Variants in ATP2A3 observed in about 807,000 individuals in gnomAD.
ATP2A3 encodes the protein sarcoplasmic/endoplasmic reticulum calcium ATPase 3.
In ATP2A3, 61 loss-of-function variants were observed where a neutral mutation model predicts 106.8. The observed-to-expected ratio is 0.57, with a 90% CI of 0.46 to 0.71. The LOEUF (loss-of-function observed/expected upper bound fraction) is 0.71, where lower values mean the gene tolerates loss of function less well. Among genes scored for constraint, ATP2A3 ranks in the 30% least tolerant of loss-of-function variants. The probability of loss-of-function intolerance (pLI) is 0.00; values close to 1 mark genes in which losing one functional copy is unlikely to be tolerated. For synonymous variants in ATP2A3, 611 were observed against 609.3 expected, an observed-to-expected ratio of 1.00 and a Z score of -0.04; for missense variants, 1,201 against 1,423.5, an observed-to-expected ratio of 0.84 and a Z score of 2.52.
intron 17 of ATP2A3, among the ~76,000 whole-genome samples, chr17:3,932,193 G>C (rs1171032394): frequency 6.6e-6 from 1 of 152,132 alleles, no homozygotes; most frequent in Non-Finnish European, 1.5e-5. Context: ...ACCGAGGCTG[G>C]AGTGCAGTGG....
chr17:3,947,797 G>A lies in ATP2A3; in HGVS notation c.689C>T (p.Thr230Met), dbSNP rs756084939. ...VGVAVATGLH[T>M]ELGKIRSQMA... ...CTGGCTCCGGATCTTGCCCAGCTCCGTGTGCAGGCCGGTGGCCACGGCCAC... is the reference window on the plus strand; with the variant it reads ...CTGGCTCCGGATCTTGCCCAGCTCCATGTGCAGGCCGGTGGCCACGGCCAC... The change falls in exon 8 of 21, where the codon ACG (threonine) becomes ATG (methionine). Residue 230 changes from threonine (T) to methionine (M), a missense_variant. Around this residue, in one of 2 missense-constraint regions of ATP2A3, gnomAD observed 935 missense variants for 1,176.7 expected, o/e 0.79. Transcript: ENST00000397041. This position sits in a 1 kb window ranked among gnomAD's most constrained non-coding sequence, Gnocchi z 7.7. 17 of 1,601,130 alleles carry A rather than the reference G, an allele frequency of 1.1e-5. No homozygotes were observed. The East Asian group carries it at 1.1e-4, about 10-fold the overall frequency.
chr17:3,935,569 A>C (rs1597591019), intron 16 of ATP2A3, among the ~76,000 whole-genome samples: 1 of 125,302 alleles, frequency 8.0e-6, no homozygotes, highest in East Asian at 2.3e-4. Context: ...ACGGAGTCTC[A>C]CTCTGTCGCC....
rs866492175 is a variant in ATP2A3, at chr17:3,924,623, G to A, written c.*799C>T. ...GGACCTCTGCGTGGCAGACCGGGCGGCAGTGTGACTCTGAACATCTCCCGA... is the reference window on the plus strand; with the variant it reads ...GGACCTCTGCGTGGCAGACCGGGCGACAGTGTGACTCTGAACATCTCCCGA... On this transcript the variant is annotated 3_prime_UTR_variant, in exon 21 of 21. Coordinates refer to ENST00000397041, the MANE Select transcript of ATP2A3 (RefSeq NM_005173.4). The surrounding 1 kb of genome is among the most constrained non-coding windows in gnomAD (Gnocchi z 6.4). 26 of 368,268 alleles carry A rather than the reference G, an allele frequency of 7.1e-5. No homozygotes were observed. The Middle Eastern group carries it at 2.8e-3, about 40-fold the overall frequency. 22.8% of individuals were successfully genotyped at this position (368,268 alleles called of 1,614,324 possible).
Position 3,945,065 on chromosome 17 carries a change from G to A in ATP2A3, c.1179C>T (p.Gly393=). 6.5e-7 allele frequency: 1 copy of A among 1,543,274 alleles called. No homozygotes were observed. Among genetic ancestry groups the A allele is most frequent in the Non-Finnish European group, 8.7e-7 (1 of 1,143,478 alleles). ...TISGTTYTPE[G]EVRQGDQPVR... is the part of the protein sequence containing the mutation. ...TCCCCTGGCCCCGCACTCACACTTC[G>A]CCCTCGGGGGTATACGTGGTACCCG... The change falls in exon 9 of 21, where the codon GGC becomes GGT. Residue 393 remains glycine, a synonymous_variant. Coordinates refer to ENST00000397041, the MANE Select transcript of ATP2A3 (RefSeq NM_005173.4).
Position 3,945,104 on chromosome 17 carries a change from G to C in ATP2A3, c.1140C>G (p.His380Gln). 6.5e-7 allele frequency: 1 copy of C among 1,548,142 alleles called. No individual in the cohort carries two copies. Among genetic ancestry groups the C allele is most frequent in the Non-Finnish European group, 8.7e-7 (1 of 1,145,734 alleles). ...AEADAGSCLL[H>Q]EFTISGTTYT... ...ACGTGGTACCCGAGATGGTGAACTC[G>C]TGCAAAAGGCAGGAGCCCGCATCGG... Residue 380 changes from histidine to glutamine, a missense_variant, in exon 9 of 21, where the codon CAC (histidine) becomes CAG (glutamine). By Grantham distance (24) the His-to-Gln change is conservative. This residue lies in a region of ATP2A3 where 935 missense variants were observed against 1,176.7 expected (regional missense o/e 0.79). Transcript: ENST00000397041.
chr17:3,950,111 G>A (rs1224718450), intron 7 of ATP2A3, among the ~76,000 whole-genome samples: 4 of 150,438 alleles, frequency 2.7e-5, no homozygotes, highest in Non-Finnish European at 4.4e-5. Flanking sequence ...GCAGTGACCC[G>A]AGATCGTACC....
rs1056504829 is a variant in ATP2A3, at chr17:3,930,192, C to T, written c.2744+109G>A. Reference sequence around the variant, plus strand: ...CCCACTCCTCGGCCCCAGCTCCAGGCCCTGCGCCCAGCCCACCTGGACCCC... The same window carrying T: ...CCCACTCCTCGGCCCCAGCTCCAGGTCCTGCGCCCAGCCCACCTGGACCCC... On this transcript the variant is annotated intron_variant, in intron 18 of 20. Transcript: ENST00000397041. The surrounding 1 kb of genome is among the most constrained non-coding windows in gnomAD (Gnocchi z 5.4). 8.9e-7 allele frequency: 1 copy of T among 1,124,984 alleles called. No individual in the cohort carries two copies. Among genetic ancestry groups the T allele is most frequent in the Non-Finnish European group, 1.2e-6 (1 of 863,874 alleles). The allele number at this position is 1,124,984 out of a possible 1,614,324, so 69.7% of individuals were successfully genotyped here.
intron 1 of ATP2A3, among the ~76,000 whole-genome samples, chr17:3,963,237 G>A: frequency 6.6e-6 from 1 of 152,232 alleles, no homozygotes; most frequent in Admixed American, 6.5e-5. Flanking sequence ...AGTCCCCAAA[G>A]GATGCAGACC....
At chr17:3,948,426 GC>G (rs1249062012) in intron 7 of ATP2A3, among the ~76,000 whole-genome samples, 1 of 152,096 alleles carries the variant, frequency 6.6e-6, no homozygotes, top group East Asian at 1.9e-4. Flanking sequence ...AGAACCTGGT[GC>G]CCCTTCAAAT....
chr17:3,944,871 GCCCCGCC>G, intron 9 of ATP2A3, 65 bp from the exon 10 acceptor site: 10 of 911,560 alleles, frequency 1.1e-5, no homozygotes, highest in Non-Finnish European at 1.6e-6. Context: ...CCGCCTCTTG[GCCCCGCC>G]CCTAGGAGGG....
At chr17:3,954,542 G>C (rs1457460499) in intron 1 of ATP2A3, among the ~76,000 whole-genome samples, 1 of 148,620 alleles carries the variant, frequency 6.7e-6, no homozygotes, top group Non-Finnish European at 1.5e-5. Flanking sequence ...TGTCGCCCAG[G>C]CCAGAGTGCA....
rs748842942 is a variant in ATP2A3, at chr17:3,964,313, G to GCCGTCCGCA, written c.-31_-23dup. ...CCATGCCGCCCGCCCGGCCGTCTGC[G>GCCGTCCGCA]CCGTCCGCACCGTCGAGGCCGCCTC... On this transcript the variant is annotated 5_prime_UTR_variant, in exon 1 of 21. Transcript: ENST00000397041. 7.7e-5 allele frequency: 93 copies of GCCGTCCGCA among 1,213,646 alleles called. No homozygotes were observed. The Admixed American group carries it at 8.7e-4, about 11-fold the overall frequency. The allele number at this position is 1,213,646 out of a possible 1,614,324, so 75.2% of individuals were successfully genotyped here.
chr17:3,959,799 G>A (rs970530198), intron 1 of ATP2A3, among the ~76,000 whole-genome samples: 4 of 152,236 alleles, frequency 2.6e-5, no homozygotes, highest in Non-Finnish European at 4.4e-5. Context: ...GAGCCACTGC[G>A]GGGCCTTGGA....
rs760984132 is a variant in ATP2A3, at chr17:3,944,833, G to C, written c.1185-27C>G. The C allele has an allele frequency of 6.3e-6, 10 of 1,589,656 alleles. No individual in the cohort carries two copies. In the Admixed American group the frequency reaches 1.4e-4, roughly 22 times the overall value. ...TGCGGAGCCGGGGCGGTCACCAGGAGGACCTCGGCTCCGCCCCCGAGAGGG... is the reference window on the plus strand; with the variant it reads ...TGCGGAGCCGGGGCGGTCACCAGGACGACCTCGGCTCCGCCCCCGAGAGGG... On this transcript the variant is annotated intron_variant, in intron 9 of 20. Transcript: ENST00000397041.
chr17:3,929,342 C>A lies in ATP2A3; in HGVS notation c.2848G>T (p.Val950Leu), dbSNP rs764029669. ...GGGTGACTCACAGGCAGGGGCGGCA[C>A]GAGCAGGATGAGGAAGTGCAGGGCC... ...SMALHFLILLVPPLPLIFQVT... is the reference protein window; with the variant it reads ...SMALHFLILLLPPLPLIFQVT... The change falls in exon 19 of 21, where the codon GTG becomes TTG. Residue 950 changes from valine to leucine, a missense_variant. By Grantham distance (32) the Val-to-Leu change is conservative. Transcript: ENST00000397041. The surrounding 1 kb of genome is among the most constrained non-coding windows in gnomAD (Gnocchi z 4.3). 2 of 1,552,306 alleles carry A rather than the reference C, an allele frequency of 1.3e-6. No homozygotes were observed. Among genetic ancestry groups the A allele is most frequent in the Non-Finnish European group, 1.7e-6 (2 of 1,148,382 alleles).
chr17:3,964,215 G>A lies in ATP2A3; in HGVS notation c.77C>T (p.Pro26Leu). ...CTCCCGCGCGCCGGTCACCTGCGCCGGGCTCAGGCCGCCCTCGGCTGTCAC... is the reference window on the plus strand; with the variant it reads ...CTCCCGCGCGCCGGTCACCTGCGCCAGGCTCAGGCCGCCCTCGGCTGTCAC... ...FSVTAEGGLS[P>L]AQVTGARERY... Residue 26 changes from proline (P) to leucine (L), a missense_variant, in exon 1 of 21, where the codon CCG becomes CTG. Pro to Leu is a moderately conservative substitution (Grantham distance 98). Around this residue, in one of 2 missense-constraint regions of ATP2A3, gnomAD observed 266 missense variants for 246.8 expected, o/e 1.08. Transcript: ENST00000397041. 7.9e-7 allele frequency: 1 copy of A among 1,266,924 alleles called. No individual in the cohort carries two copies. The highest frequency in any genetic ancestry group is 1.8e-5 in the South Asian group (1 of 55,828). 78.5% of individuals were successfully genotyped at this position (1,266,924 alleles called of 1,614,324 possible). A position where few individuals can be genotyped will look rare whatever the true frequency, so the allele number is the denominator to read the frequency against.
In ATP2A3 at chr17:3,936,391, G is replaced by A. The variant is rs1062683; in HGVS notation, c.2400C>T (p.Asp800=). The change falls in exon 16 of 21, where the codon GAC becomes GAT. Residue 800 remains aspartate, a synonymous_variant. Coordinates refer to ENST00000397041, the MANE Select transcript of ATP2A3 (RefSeq NM_005173.4). The surrounding 1 kb of genome is among the most constrained non-coding windows in gnomAD (Gnocchi z 5.4). ...VQLLWVNLVT[D]GLPATALGFN... ...AGCCCAGAGCCGTGGCAGGTAGGCC[G>A]TCTGTCACCAGGTTCACCCAGAGCA... The A allele has an allele frequency of 0.18, 290,072 of 1,613,926 alleles. 26,908 individuals carry two copies. The highest frequency in any genetic ancestry group is 0.23 in the Middle Eastern group (1,413 of 6,058).
rs756644381 is a variant in ATP2A3 at position 3,924,498 on chromosome 17, A to G, written c.*924T>C. On this transcript the variant is annotated 3_prime_UTR_variant, in exon 21 of 21. Transcript: ENST00000397041. The surrounding 1 kb of genome is among the most constrained non-coding windows in gnomAD (Gnocchi z 6.4). ...GGCTCAGAGGCCCCCAGCTGTGCAG[A>G]CAGCGCGGCGGCCGCACACTGGGCT... 3.3e-5 allele frequency: 10 copies of G among 303,046 alleles called. No individual in the cohort carries two copies. The highest frequency in any genetic ancestry group is 6.6e-5 in the Non-Finnish European group (10 of 151,956). 18.8% of individuals were successfully genotyped at this position (303,046 alleles called of 1,614,324 possible).
chr17:3,953,440 G>A lies in ATP2A3; in HGVS notation c.137-11C>T, dbSNP rs769587726. On this transcript the variant is annotated splice_polypyrimidine_tract_variant and intron_variant, in intron 2 of 20. Coordinates refer to ENST00000397041, the MANE Select transcript of ATP2A3 (RefSeq NM_005173.4). This position sits in a 1 kb window ranked among gnomAD's most constrained non-coding sequence, Gnocchi z 5.1. ...CCCACAGGGACTTCCCTGGGAACGGGGGTCATGTGTGAGGCTGGGCCCCCA... is the reference window on the plus strand; with the variant it reads ...CCCACAGGGACTTCCCTGGGAACGGAGGTCATGTGTGAGGCTGGGCCCCCA... 31 of 1,613,646 alleles carry A rather than the reference G, an allele frequency of 1.9e-5. No individual in the cohort carries two copies. Among genetic ancestry groups the A allele is most frequent in the Non-Finnish European group, 2.4e-5 (28 of 1,179,884 alleles).
Sources: allele counts gnomAD v4.1 joint callset (sites outside exome capture counted in the v4.1 genomes callset), GRCh38; gene constraint gnomAD v4.1.1; regional missense constraint gnomAD v4.1.1; non-coding constraint Gnocchi (gnomAD v3.1); transcripts MANE v1.5; gene names NCBI Gene and HGNC (gene_info 2026-07-23, HGNC 2026-07-21).